Variants in FMN1 observed in about 807,000 individuals in gnomAD.
FMN1 encodes formin-1.
FMN1 carries 110 observed loss-of-function variants against 132.4 expected under a neutral mutation model. The observed-to-expected ratio is 0.83, with a 90% CI of 0.71 to 0.97. FMN1 has a LOEUF of 0.97. FMN1 is among the 50% of genes least tolerant of loss of function. The probability of loss-of-function intolerance (pLI) is 0.00; values close to 1 mark genes in which losing one functional copy is unlikely to be tolerated. For missense variants in FMN1, 1,792 were observed against 1,705.3 expected (o/e 1.05, Z -0.90); for synonymous variants, 722 against 651.7 (o/e 1.11, Z -1.64).
chr15:32,964,211 T>C lies in FMN1; in HGVS notation c.3034A>G (p.Ile1012Val). The change falls in exon 9 of 21, where the codon ATT becomes GTT. Residue 1012 changes from isoleucine to valine, a missense_variant. Around this residue, in one of 3 missense-constraint regions of FMN1, gnomAD observed 1,150 missense variants for 1,043.1 expected, o/e 1.10. Transcript: ENST00000616417. ...TACTCAAATTCACTGGGGTCCCGAA[T>C]GTCAGGTTCTTCTAAGGAGTCCCAT... Reference protein sequence around the residue: ...TLWDSLEEPDIRDPSEFEYLF... With the variant: ...TLWDSLEEPDVRDPSEFEYLF... 3.1e-6 allele frequency: 5 copies of C among 1,612,816 alleles called. No individual in the cohort carries two copies. The highest frequency in any genetic ancestry group is 4.2e-6 in the Non-Finnish European group (5 of 1,179,118).
intron 12 of FMN1, among the ~76,000 whole-genome samples, chr15:32,905,773 C>T (rs2060409916): frequency 1.3e-5 from 2 of 152,142 alleles, no homozygotes; most frequent in East Asian, 3.8e-4. Context: ...TGCTTATAGT[C>T]GACTCACTTG....
chr15:32,827,308 G>A (rs2058391007), intron 17 of FMN1, among the ~76,000 whole-genome samples: 1 of 152,168 alleles, frequency 6.6e-6, no homozygotes, highest in Admixed American at 6.5e-5. Context: ...CTTGAGCAGA[G>A]TTTGTGGCGG....
At chr15:33,114,805 A>C (rs1279348294) in intron 4 of FMN1, among the ~76,000 whole-genome samples, 1 of 152,212 alleles carries the variant, frequency 6.6e-6, no homozygotes, top group Non-Finnish European at 1.5e-5. Flanking sequence ...AAATAATCCT[A>C]CTTTAGCTGA....
At chr15:32,973,629 T>C (rs78586447) in intron 7 of FMN1, among the ~76,000 whole-genome samples, 9,649 of 151,508 alleles carry the variant, frequency 0.064, 334 homozygotes, top group Middle Eastern at 0.095. Context: ...TAATCTCTCT[T>C]GATCATTACA....
intron 8 of FMN1, among the ~76,000 whole-genome samples, chr15:32,965,959 T>G (rs1220792654): frequency 1.3e-5 from 2 of 152,120 alleles, no homozygotes; most frequent in South Asian, 2.1e-4. Context: ...GGATGTTAAG[T>G]GCTTATCTCT....
intron 4 of FMN1, among the ~76,000 whole-genome samples, chr15:33,128,915 C>A (rs1963408417): frequency 8.9e-6 from 1 of 112,902 alleles, no homozygotes; most frequent in Non-Finnish European, 1.7e-5. Flanking sequence ...CACCCATGCC[C>A]TGCTTATTGG....
intron 17 of FMN1, among the ~76,000 whole-genome samples, chr15:32,854,101 A>G (rs1446514501): frequency 6.6e-6 from 1 of 152,228 alleles, no homozygotes; most frequent in Non-Finnish European, 1.5e-5. Context: ...TTACCTATAA[A>G]TGAATATTAA....
intron 17 of FMN1, among the ~76,000 whole-genome samples, chr15:32,847,285 TGTATGTGTGTGTG>T (rs2058879999): frequency 1.1e-5 from 1 of 94,580 alleles, no homozygotes; most frequent in Non-Finnish European, 2.4e-5. Context: ...TGTGTGTGTG[TGTATGTGTGTGTG>T]TGTGTGTAAA....
At chr15:32,977,921 A>C (rs1018756176) in intron 7 of FMN1, among the ~76,000 whole-genome samples, 2 of 151,672 alleles carry the variant, frequency 1.3e-5, no homozygotes. Flanking sequence ...GCATGGCACA[A>C]TCTCGGCTCA....
chr15:33,128,741 T>C (rs770018633), intron 4 of FMN1, among the ~76,000 whole-genome samples: 46 of 152,300 alleles, frequency 3.0e-4, no homozygotes, highest in Non-Finnish European at 5.1e-4. Flanking sequence ...AAAGGTGATG[T>C]GGTGAATTTT....
chr15:32,822,586 T>C (rs867090599), intron 17 of FMN1, among the ~76,000 whole-genome samples: 1 of 152,174 alleles, frequency 6.6e-6, no homozygotes, highest in African/African-American at 2.4e-5. Flanking sequence ...AAAGCCTTGA[T>C]TTCTCAAGGT....
intron 18 of FMN1, among the ~76,000 whole-genome samples, chr15:32,800,036 T>C (rs34696684): frequency 0.065 from 9,859 of 152,166 alleles, 646 homozygotes; most frequent in African/African-American, 0.17. Flanking sequence ...TCAATGGCGA[T>C]TGTAAAACCC....
intron 17 of FMN1, among the ~76,000 whole-genome samples, chr15:32,851,198 A>G (rs1340737984): frequency 6.6e-6 from 1 of 152,258 alleles, no homozygotes; most frequent in Non-Finnish European, 1.5e-5. Context: ...CCATTCATGG[A>G]TGCCAAGCGA....
intron 4 of FMN1, among the ~76,000 whole-genome samples, chr15:33,097,437 C>T (rs1301977026): frequency 1.3e-5 from 2 of 152,004 alleles, no homozygotes; most frequent in Non-Finnish European, 2.9e-5. Flanking sequence ...AATGACTCCC[C>T]AGCAGGATAA....
chr15:32,855,784 C>A (rs1432034633), intron 17 of FMN1, among the ~76,000 whole-genome samples: 2 of 152,122 alleles, frequency 1.3e-5, no homozygotes, highest in African/African-American at 4.8e-5. Flanking sequence ...GGAAGTAGTT[C>A]ATGGTTTTCT....
intron 19 of FMN1, among the ~76,000 whole-genome samples, chr15:32,795,399 G>A (rs531750298): frequency 6.6e-6 from 1 of 152,210 alleles, no homozygotes; most frequent in African/African-American, 2.4e-5. Flanking sequence ...GGGCACTATG[G>A]CAGAAGGGAA....
intron 16 of FMN1, among the ~76,000 whole-genome samples, chr15:32,867,361 AC>A (rs1241663152): frequency 6.6e-6 from 1 of 152,170 alleles, no homozygotes; most frequent in African/African-American, 2.4e-5. Flanking sequence ...TCTCCCTGCC[AC>A]AGTGGCCCTT....
intron 7 of FMN1, among the ~76,000 whole-genome samples, chr15:33,004,998 G>A (rs543395249): frequency 1.3e-5 from 2 of 152,178 alleles, no homozygotes; most frequent in Admixed American, 6.5e-5. Context: ...ATGAGAACAC[G>A]TGGACACAGG....
Position 32,969,158 on chromosome 15 carries a change from T to C in FMN1, c.2543A>G (p.Lys848Arg), listed in dbSNP as rs771267686. 3 of 1,613,894 alleles carry C rather than the reference T, an allele frequency of 1.9e-6. No homozygotes were observed. Among genetic ancestry groups the C allele is most frequent in the East Asian group, 4.5e-5 (2 of 44,876 alleles). ...TGGCTGGAGTGCTGCATGGATGTCT[T>C]TGTGGTCATTTGGGGGTGAGAGCTG... ...LSQLSPPNDH[K>R]DIHAALQPME... is the part of the protein sequence containing the mutation. Residue 848 changes from lysine (K) to arginine (R), a missense_variant, in exon 8 of 21, where the codon AAA (lysine) becomes AGA (arginine). Around this residue, in one of 3 missense-constraint regions of FMN1, gnomAD observed 1,150 missense variants for 1,043.1 expected, o/e 1.10. Coordinates refer to ENST00000616417, the MANE Select transcript of FMN1 (RefSeq NM_001277313.2).
Sources: allele counts gnomAD v4.1 joint callset (sites outside exome capture counted in the v4.1 genomes callset), GRCh38; gene constraint gnomAD v4.1.1; regional missense constraint gnomAD v4.1.1; transcripts MANE v1.5; gene names NCBI Gene and HGNC (gene_info 2026-07-23, HGNC 2026-07-21).